LOXL2: variants seen among roughly 807,000 people sequenced by gnomAD.
LOXL2 encodes lysyl oxidase homolog 2.
A neutral mutation model predicts 93.0 loss-of-function variants in LOXL2; 70 were observed. That is an observed-to-expected ratio of 0.75 (90% CI 0.62 to 0.92). LOXL2 has a LOEUF of 0.92. LOXL2 is among the 40% of genes least tolerant of loss of function. LOXL2 has a pLI of 0.00. For synonymous variants in LOXL2, 438 were observed against 413.2 expected, an observed-to-expected ratio of 1.06 and a Z score of -0.73; for missense variants, 973 against 1,054.9, an observed-to-expected ratio of 0.92 and a Z score of 1.08.
chr8:23,376,753 G>A (rs1041618977), intron 1 of LOXL2, among the ~76,000 whole-genome samples: 3 of 152,146 alleles, frequency 2.0e-5, no homozygotes, highest in Non-Finnish European at 4.4e-5. Flanking sequence ...TTCTCTGATG[G>A]TTGTTTGTAT....
At chr8:23,354,928 T>G (rs1804161643) in intron 3 of LOXL2, among the ~76,000 whole-genome samples, 1 of 112,634 alleles carries the variant, frequency 8.9e-6, no homozygotes, top group Admixed American at 9.9e-5. Flanking sequence ...GCTCTGGGAG[T>G]TGGAATATAT....
Position 23,368,424 on chromosome 8 carries a change from G to A in LOXL2, c.-73C>T, listed in dbSNP as rs1226824848. The A allele has an allele frequency of 3.1e-6, 4 of 1,309,944 alleles. No individual in the cohort carries two copies. The highest frequency in any genetic ancestry group is 4.3e-6 in the Non-Finnish European group (4 of 920,500). 81.1% of individuals were successfully genotyped at this position (1,309,944 alleles called of 1,614,324 possible). On this transcript the variant is annotated 5_prime_UTR_variant, in exon 2 of 14. Transcript: ENST00000389131. ...GAGGGACAGGCGGGGTACAGAAGCA[G>A]CAGGAGCTTTCTGGAAGAGAGGAGA... is the stretch of plus-strand genomic sequence containing the variant.
intron 3 of LOXL2, among the ~76,000 whole-genome samples, chr8:23,351,239 A>G (rs911470473): frequency 1.3e-5 from 2 of 152,210 alleles, no homozygotes; most frequent in African/African-American, 2.4e-5. Flanking sequence ...GACACCCAGC[A>G]TGGCTGAGGT....
At chr8:23,385,742 C>T in intron 1 of LOXL2, 1 of 571,328 alleles carries the variant, frequency 1.8e-6, no homozygotes, top group East Asian at 2.9e-5. Context: ...TTTTAAATTC[C>T]CTCGTAGCCA....
At chr8:23,373,685 T>C (rs555402397) in intron 1 of LOXL2, among the ~76,000 whole-genome samples, 158 of 152,288 alleles carry the variant, frequency 1.0e-3, no homozygotes, top group African/African-American at 3.7e-3. Flanking sequence ...TGGTAGGCAC[T>C]GTTATTATCC....
intron 4 of LOXL2, among the ~76,000 whole-genome samples, chr8:23,340,110 T>C (rs7018059): frequency 0.02 from 3,093 of 152,260 alleles, 111 homozygotes; most frequent in East Asian, 0.13. Context: ...ACAGGGGACC[T>C]CCAGAGGCCA....
At chr8:23,362,878 C>A (rs572365600) in intron 2 of LOXL2, among the ~76,000 whole-genome samples, 1 of 152,120 alleles carries the variant, frequency 6.6e-6, no homozygotes, top group South Asian at 2.1e-4. Context: ...CAAATCTAAA[C>A]CTCTCATTTT....
intron 4 of LOXL2, among the ~76,000 whole-genome samples, chr8:23,334,975 T>A (rs1803766763): frequency 6.6e-6 from 1 of 151,968 alleles, no homozygotes; most frequent in Admixed American, 6.6e-5. Flanking sequence ...TGCCACCACA[T>A]CCGGCTAATT....
intron 1 of LOXL2, among the ~76,000 whole-genome samples, chr8:23,390,458 G>A (rs1804824411): frequency 6.6e-6 from 1 of 152,226 alleles, no homozygotes; most frequent in African/African-American, 2.4e-5. Context: ...AATGTTCAGG[G>A]CACAGTGAGA....
At chr8:23,315,260 G>A (rs567704143) in intron 9 of LOXL2, among the ~76,000 whole-genome samples, 3 of 152,322 alleles carry the variant, frequency 2.0e-5, no homozygotes, top group African/African-American at 7.2e-5. Flanking sequence ...GGAAGAGGGA[G>A]AATCAAGGAG....
Position 23,307,953 on chromosome 8 carries a change from G to GGAAAA in LOXL2, c.1880+1714_1880+1715insTTTTC, listed in dbSNP as rs58347035. On this transcript the variant is annotated intron_variant, in intron 10 of 13. Transcript: ENST00000389131. ...GTGACTAGGTCATCAGCTGCGATAT[G>GGAAAA]AAAAAAAAAAAAAAAAAAAAGCCAA... 5.7e-4 allele frequency among the ~76,000 whole-genome samples: 48 copies of GGAAAA among 83,550 alleles called. 14 individuals are homozygous for GGAAAA. The highest frequency in any genetic ancestry group is 1.3e-3 in the South Asian group (3 of 2,348). 54.8% of individuals were successfully genotyped at this position (83,550 alleles called of 152,430 possible).
chr8:23,380,820 C>T (rs990299178), intron 1 of LOXL2, among the ~76,000 whole-genome samples: 1 of 152,050 alleles, frequency 6.6e-6, no homozygotes. Context: ...AAAGACCAGC[C>T]TGGACAACAT....
intron 5 of LOXL2, among the ~76,000 whole-genome samples, chr8:23,329,336 G>A (rs1253674776): frequency 6.6e-6 from 1 of 152,248 alleles, no homozygotes; most frequent in African/African-American, 2.4e-5. Context: ...TATGCAGAGA[G>A]GGTGGAGAAT....
chr8:23,304,636 A>T (rs949281037), intron 10 of LOXL2, among the ~76,000 whole-genome samples: 10 of 152,326 alleles, frequency 6.6e-5, no homozygotes, highest in African/African-American at 2.4e-4. Context: ...GCAAGATTGA[A>T]TAAGATGAAC....
chr8:23,297,731 G>GCGTATCATT lies in LOXL2; in HGVS notation c.*311_*312insAATGATACG. 8.9e-6 allele frequency: 2 copies of GCGTATCATT among 224,736 alleles called. No homozygotes were observed. Among genetic ancestry groups the GCGTATCATT allele is most frequent in the South Asian group, 1.4e-4 (1 of 7,392 alleles). 13.9% of individuals were successfully genotyped at this position (224,736 alleles called of 1,614,324 possible). On this transcript the variant is annotated 3_prime_UTR_variant, in exon 14 of 14. Transcript: ENST00000389131. ...GTGGTGAGCTCGGTGGCTTGAATGG[G>GCGTATCATT]ACAAGCTGATGACAACCTGTCTGTG...
At chr8:23,315,361 C>T (rs144144226) in intron 9 of LOXL2, among the ~76,000 whole-genome samples, 1 of 152,120 alleles carries the variant, frequency 6.6e-6, no homozygotes, top group Non-Finnish European at 1.5e-5. Flanking sequence ...TCCCTGAATA[C>T]TCTAACGTGC....
intron 1 of LOXL2, among the ~76,000 whole-genome samples, chr8:23,401,203 G>A (rs1404549623): frequency 2.0e-5 from 3 of 152,182 alleles, no homozygotes; most frequent in Non-Finnish European, 4.4e-5. Context: ...TAACTCTTTA[G>A]TGGGACCTTG....
chr8:23,327,146 T>G (rs1438704532), intron 6 of LOXL2, among the ~76,000 whole-genome samples: 1 of 152,162 alleles, frequency 6.6e-6, no homozygotes, highest in Non-Finnish European at 1.5e-5. Flanking sequence ...CCTTCCAACG[T>G]CAGGGCACCC....
intron 1 of LOXL2, among the ~76,000 whole-genome samples, chr8:23,383,125 C>G (rs545805185): frequency 6.6e-6 from 1 of 152,174 alleles, no homozygotes; most frequent in Non-Finnish European, 1.5e-5. Flanking sequence ...CTGTGGCCTT[C>G]CCGTCTTCCA....
Sources: allele counts gnomAD v4.1 joint callset (sites outside exome capture counted in the v4.1 genomes callset), GRCh38; gene constraint gnomAD v4.1.1; transcripts MANE v1.5; gene names NCBI Gene and HGNC (gene_info 2026-07-23, HGNC 2026-07-21).